MTO1: variants seen among roughly 807,000 people sequenced by gnomAD.
The protein encoded by MTO1 is 5-taurinomethyluridine-[tRNA] synthase subunit MTO1, mitochondrial.
In MTO1, 46 loss-of-function variants were observed where a neutral mutation model predicts 71.6. The ratio of observed to expected loss-of-function variants is 0.64; its 90% CI spans 0.51 to 0.82. The LOEUF (loss-of-function observed/expected upper bound fraction) is 0.82. Among genes scored for constraint, MTO1 ranks in the 40% least tolerant of loss-of-function variants. The probability of loss-of-function intolerance (pLI) is 0.00; values close to 1 mark genes in which losing one functional copy is unlikely to be tolerated. For missense variants in MTO1, 773 were observed against 867.5 expected (o/e 0.89, Z 1.37); for synonymous variants, 297 against 312.1 (o/e 0.95, Z 0.51).
intron 9 of MTO1, among the ~76,000 whole-genome samples, chr6:73,485,362 A>G (rs1771620730): frequency 6.6e-6 from 1 of 152,228 alleles, no homozygotes. Flanking sequence ...TAATTCAGGC[A>G]TATTTCCCTT....
chr6:73,485,842 C>T (rs1771637999), intron 9 of MTO1, among the ~76,000 whole-genome samples: 1 of 152,184 alleles, frequency 6.6e-6, no homozygotes, highest in Admixed American at 6.6e-5. Flanking sequence ...ACATGCCAGA[C>T]TATGTAGTAA....
At chr6:73,471,618 A>G in intron 3 of MTO1, 1 of 295,908 alleles carries the variant, frequency 3.4e-6, no homozygotes, top group Non-Finnish European at 6.5e-6. Context: ...GGGTCTCACT[A>G]TGTTGCCAGG....
rs1407092420 is a variant in MTO1, at chr6:73,503,093, A to G, written c.*2358A>G. Reference sequence around the variant, plus strand: ...GAAAATACATATTTTAGATTCTATGATTTGCTTTAGGATGTGAACTTCTTT... The same window carrying G: ...GAAAATACATATTTTAGATTCTATGGTTTGCTTTAGGATGTGAACTTCTTT... On this transcript the variant is annotated 3_prime_UTR_variant, in exon 12 of 12. Transcript: ENST00000498286. 6.6e-6 allele frequency: 1 copy of G among 152,046 alleles called. No individual in the cohort carries two copies. The highest frequency in any genetic ancestry group is 1.5e-5 in the Non-Finnish European group (1 of 68,002). 9.4% of individuals were successfully genotyped at this position (152,046 alleles called of 1,614,324 possible).
At position 73,501,161 on chromosome 6, in the gene MTO1, C is replaced by G. The variant is rs1188680583; in HGVS notation, c.*426C>G. The G allele has an allele frequency of 6.5e-6, 1 of 152,752 alleles. No individual in the cohort carries two copies. Among genetic ancestry groups the G allele is most frequent in the East Asian group, 1.9e-4 (1 of 5,208 alleles). The allele number at this position is 152,752 out of a possible 1,614,324, so 9.5% of individuals were successfully genotyped here. A position where few individuals can be genotyped will look rare whatever the true frequency, so the allele number is the denominator to read the frequency against. ...TAGGCTAGGAAGCAATATCAAAGCCCTTAAATTCTCAAGACTAAAGACTTG... is the reference window on the plus strand; with the variant it reads ...TAGGCTAGGAAGCAATATCAAAGCCGTTAAATTCTCAAGACTAAAGACTTG... On this transcript the variant is annotated 3_prime_UTR_variant, in exon 12 of 12. Coordinates refer to ENST00000498286, the MANE Select transcript of MTO1 (RefSeq NM_012123.4).
At chr6:73,496,052 T>A (rs1020576154) in intron 10 of MTO1, among the ~76,000 whole-genome samples, 3 of 152,154 alleles carry the variant, frequency 2.0e-5, no homozygotes, top group African/African-American at 7.2e-5. Flanking sequence ...TTTGTTGCCA[T>A]AAAGACCCTC....
chr6:73,466,597 G>A lies in MTO1; in HGVS notation c.526G>A (p.Val176Ile), dbSNP rs1009189949. The A allele has an allele frequency of 1.9e-5, 31 of 1,613,380 alleles. No homozygotes were observed. Among genetic ancestry groups the A allele is most frequent in the Non-Finnish European group, 2.4e-5 (28 of 1,179,350 alleles). The change falls in exon 3 of 12, where the codon GTT becomes ATT. Residue 176 changes from valine to isoleucine, a missense_variant. By Grantham distance (29) the Val-to-Ile change is conservative. Transcript: ENST00000498286. ...EHTGKCRVSG[V>I]VLVDGSTVYA... ...CACTGGGAAATGCCGTGTCAGTGGG[G>A]TTGTTTTGGGTACGTATTGGTTATA...
At position 73,497,908 on chromosome 6, in the gene MTO1, G is replaced by A. The variant is rs183977797; in HGVS notation, c.1917+12G>A. ...GTCGTCCACAGACGGTAAGAAAATA[G>A]GCAGGAGAATAGAAACAAGTTATAG... On this transcript the variant is annotated intron_variant, in intron 11 of 11. Coordinates refer to ENST00000498286, the MANE Select transcript of MTO1 (RefSeq NM_012123.4). 1.4e-5 allele frequency: 22 copies of A among 1,598,294 alleles called. No homozygotes were observed. In the Admixed American group the frequency reaches 2.7e-4, roughly 20 times the overall value.
intron 1 of MTO1, among the ~76,000 whole-genome samples, chr6:73,465,668 A>T (rs1033672340): frequency 3.9e-5 from 6 of 152,050 alleles, no homozygotes; most frequent in Non-Finnish European, 8.8e-5. Context: ...GAAACAGTAA[A>T]AATATGCATC....
intron 7 of MTO1, among the ~76,000 whole-genome samples, chr6:73,481,351 A>C (rs1224825498): frequency 6.6e-6 from 1 of 152,106 alleles, no homozygotes; most frequent in African/African-American, 2.4e-5. Flanking sequence ...TGAAGTTTAA[A>C]ATTTATTTTA....
At chr6:73,487,302 G>A (rs574467220) in intron 9 of MTO1, among the ~76,000 whole-genome samples, 31 of 141,928 alleles carry the variant, frequency 2.2e-4, no homozygotes, top group African/African-American at 8.2e-4. Context: ...AGCTATTCTT[G>A]TGCCTCAGCC....
rs941090801 is a variant in MTO1, at chr6:73,504,027, G to A, written c.*3292G>A. On this transcript the variant is annotated 3_prime_UTR_variant, in exon 12 of 12. Coordinates refer to ENST00000498286, the MANE Select transcript of MTO1 (RefSeq NM_012123.4). The stretch of plus-strand genomic sequence containing the variant: ...CCAGCAGAGACTAGGGGTTTATTCT[G>A]ATCTGGAAGAGCCACTTAACACTGG... 21 of 152,162 alleles carry A rather than the reference G, an allele frequency of 1.4e-4. No homozygotes were observed. Among genetic ancestry groups the A allele is most frequent in the African/African-American group, 4.6e-4 (19 of 41,442 alleles). The allele number at this position is 152,162 out of a possible 1,614,324, so 9.4% of individuals were successfully genotyped here.
chr6:73,499,461 G>A (rs1772093152), intron 11 of MTO1, among the ~76,000 whole-genome samples: 1 of 150,628 alleles, frequency 6.6e-6, no homozygotes, highest in East Asian at 1.9e-4. Flanking sequence ...GGTAGAGGCT[G>A]CAGCAAGTCA....
In MTO1 at chr6:73,474,098, CT is replaced by C. The variant is rs60499845; in HGVS notation, c.825+456del. The stretch of plus-strand genomic sequence containing the variant: ...ACCGAACCCAGCCAAAGAAGTTATC[CT>C]TTTTTTTTTTTGTGGTGGAGACTTG... On this transcript the variant is annotated intron_variant, in intron 4 of 11. Coordinates refer to ENST00000498286, the MANE Select transcript of MTO1 (RefSeq NM_012123.4). 4.0e-3 allele frequency among the ~76,000 whole-genome samples: 570 copies of C among 144,120 alleles called. 1 individual carries two copies. The highest frequency in any genetic ancestry group is 0.015 in the Middle Eastern group (4 of 270). 94.5% of individuals were successfully genotyped at this position (144,120 alleles called of 152,430 possible).
At chr6:73,481,141 A>G (rs1383768002) in intron 7 of MTO1, 2 of 294,984 alleles carry the variant, frequency 6.8e-6, no homozygotes, top group Non-Finnish European at 1.3e-5. Flanking sequence ...TTTAGTAGAG[A>G]TATGGTTTCA....
Position 73,500,745 on chromosome 6 carries a change from C to A in MTO1, c.*10C>A, listed in dbSNP as rs749572149. ...AGAGAGAGAGTTATAGCTTTCAATT[C>A]ATAAAAGATTTTTAAAGAGCATATA... is the stretch of plus-strand genomic sequence containing the variant. On this transcript the variant is annotated 3_prime_UTR_variant, in exon 12 of 12. Coordinates refer to ENST00000498286, the MANE Select transcript of MTO1 (RefSeq NM_012123.4). The A allele has an allele frequency of 6.4e-7, 1 of 1,551,138 alleles. No individual in the cohort carries two copies. Among genetic ancestry groups the A allele is most frequent in the Non-Finnish European group, 8.7e-7 (1 of 1,148,084 alleles).
At chr6:73,481,953 A>AGAAACT in intron 7 of MTO1, 87 bp from the exon 8 acceptor site, 3 of 1,421,018 alleles carry the variant, frequency 2.1e-6, no homozygotes, top group Non-Finnish European at 3.0e-6. Context: ...TTCCTGTCCC[A>AGAAACT]TGCCATTGTT....
Position 73,502,458 on chromosome 6 carries a change from AAAG to A in MTO1, c.*1727_*1729del, listed in dbSNP as rs1772186515. 1 of 152,140 alleles carries A rather than the reference AAAG, an allele frequency of 6.6e-6. No homozygotes were observed. The highest frequency in any genetic ancestry group is 1.5e-5 in the Non-Finnish European group (1 of 68,024). The allele number at this position is 152,140 out of a possible 1,614,324, so 9.4% of individuals were successfully genotyped here. A position where few individuals can be genotyped will look rare whatever the true frequency, so the allele number is the denominator to read the frequency against. On this transcript the variant is annotated 3_prime_UTR_variant, in exon 12 of 12. Coordinates refer to ENST00000498286, the MANE Select transcript of MTO1 (RefSeq NM_012123.4). The stretch of plus-strand genomic sequence containing the variant: ...GACTGTTTCAAAAAAAAGAAAAAGA[AAAG>A]AAGGTATTTTGTGTTTTTGTGCTAC...
At chr6:73,475,252 C>T (rs1026791762) in intron 4 of MTO1, among the ~76,000 whole-genome samples, 53 of 151,944 alleles carry the variant, frequency 3.5e-4, no homozygotes, top group Admixed American at 1.7e-3. Context: ...CATGAGCGAC[C>T]GCACCTGGTC....
At chr6:73,492,155 T>C in intron 9 of MTO1, 79 bp from the exon 10 acceptor site, 1 of 900,934 alleles carries the variant, frequency 1.1e-6, no homozygotes, top group Non-Finnish European at 1.8e-6. Context: ...AGATCTGATA[T>C]TATTTCAAAG....
Sources: gnomAD v4.1 joint callset for allele counts (sites outside exome capture counted in the v4.1 genomes callset) on GRCh38, gnomAD v4.1.1 for gene constraint, MANE v1.5 for transcripts, NCBI Gene and HGNC (gene_info 2026-07-23, HGNC 2026-07-21) for gene names.